SLC5A11: variants seen among roughly 807,000 people sequenced by gnomAD.
SLC5A11 encodes solute carrier family 5 member 11.
Under a neutral mutation model 69.8 loss-of-function variants are expected in SLC5A11, and 48 were observed. That is an observed-to-expected ratio of 0.69 (90% CI 0.55 to 0.87). The LOEUF (loss-of-function observed/expected upper bound fraction) is 0.87, where lower values mean the gene tolerates loss of function less well. SLC5A11 is among the 40% of genes least tolerant of loss of function. The pLI is 0.00. For synonymous variants in SLC5A11, 319 were observed against 342.4 expected (o/e 0.93, Z 0.75); for missense variants, 784 against 866.1 (o/e 0.91, Z 1.19).
intron 1 of SLC5A11, among the ~76,000 whole-genome samples, chr16:24,858,351 T>C (rs961976210): frequency 6.6e-6 from 1 of 152,202 alleles, no homozygotes; most frequent in African/African-American, 2.4e-5. Flanking sequence ...ATTGCAATTG[T>C]TTATGCTTCT....
chr16:24,858,879 T>C, intron 2 of SLC5A11, 101 bp downstream of exon 3: 1 of 1,404,804 alleles, frequency 7.1e-7, no homozygotes, highest in Non-Finnish European at 9.5e-7. Flanking sequence ...ATACTGACTG[T>C]GAGAGGAAGA....
rs765903433 is a variant in SLC5A11, at chr16:24,909,114, G to A, written c.1650+18G>A. 6.2e-6 allele frequency: 10 copies of A among 1,611,838 alleles called. No homozygotes were observed. The highest frequency in any genetic ancestry group is 8.5e-6 in the Non-Finnish European group (10 of 1,178,024). On this transcript the variant is annotated intron_variant, in intron 14 of 15. Transcript: ENST00000347898. ...AGGAGATGGTACATTTGGGCTGATG[G>A]CTAGATCCGTTGAGACTTTTTGTTG...
exon 3 of SLC5A11, chr16:24,862,613 A>G: frequency 6.2e-7 from 1 of 1,613,288 alleles, no homozygotes; most frequent in South Asian, 1.1e-5. Flanking sequence ...CACAGTGAAG[A>G]CCAAAAGAGA....
rs142427513 is a variant in SLC5A11 at position 24,903,353 on chromosome 16, G to T, written c.1007-3304G>T. Among the ~76,000 whole-genome samples the T allele has an allele frequency of 4.0e-3, 613 of 152,024 alleles. 3 individuals are homozygous for T. The highest frequency in any genetic ancestry group is 0.013 in the African/African-American group (532 of 41,460). ...AATATTTATCATTTCTTTGTGTTGG[G>T]GGCAATCAAAATCCACTCTCGACTA... On this transcript the variant is annotated intron_variant, in intron 10 of 15. Coordinates refer to ENST00000347898, the Ensembl canonical transcript of SLC5A11.
chr16:24,891,219 C>T (rs2152372125), intron 9 of SLC5A11, 145 bp downstream of exon 10: 1 of 709,738 alleles, frequency 1.4e-6, no homozygotes, highest in Non-Finnish European at 2.3e-6. Context: ...TTCCATTGCT[C>T]TACATGCTAT....
chr16:24,906,926 C>T, intron 11 of SLC5A11, 99 bp from the exon 13 acceptor site: 2 of 1,517,686 alleles, frequency 1.3e-6, no homozygotes, highest in East Asian at 4.5e-5. Flanking sequence ...CTCTGCCCCG[C>T]CGTCCTCCCT....
chr16:24,877,670 C>G (rs901422235), intron 7 of SLC5A11, among the ~76,000 whole-genome samples: 1 of 152,068 alleles, frequency 6.6e-6, no homozygotes, highest in Non-Finnish European at 1.5e-5. Flanking sequence ...GCCAACATGG[C>G]AAAATCCCAT....
At chr16:24,874,999 T>TA (rs199944895) in intron 5 of SLC5A11, among the ~76,000 whole-genome samples, 3 of 151,192 alleles carry the variant, frequency 2.0e-5, no homozygotes, top group East Asian at 3.9e-4. Context: ...TATATGTCTT[T>TA]AAAAAAAAAT....
intron 6 of SLC5A11, among the ~76,000 whole-genome samples, chr16:24,876,319 C>A (rs532399674): frequency 1.4e-4 from 21 of 152,224 alleles, no homozygotes; most frequent in African/African-American, 4.6e-4. Context: ...GTGGGTTGAT[C>A]AATGGGACTC....
intron 3 of SLC5A11, among the ~76,000 whole-genome samples, chr16:24,867,395 C>T (rs1484930217): frequency 6.6e-6 from 1 of 152,082 alleles, no homozygotes; most frequent in Non-Finnish European, 1.5e-5. Context: ...ACTTACACCA[C>T]AATGCCCATA....
intron 10 of SLC5A11, among the ~76,000 whole-genome samples, chr16:24,900,748 A>G (rs1430313847): frequency 1.3e-5 from 2 of 151,912 alleles, no homozygotes. Context: ...CCCGCTCTCT[A>G]CCAAAAACAA....
intron 9 of SLC5A11, among the ~76,000 whole-genome samples, chr16:24,892,302 G>A (rs1235690116): frequency 6.6e-6 from 1 of 152,010 alleles, no homozygotes; most frequent in Admixed American, 6.6e-5. Context: ...CTTTGTAGAA[G>A]AGCGAGAGCT....
At chr16:24,876,423 C>T (rs559465082) in intron 6 of SLC5A11, among the ~76,000 whole-genome samples, 17 of 152,226 alleles carry the variant, frequency 1.1e-4, no homozygotes, top group Middle Eastern at 6.8e-3. Flanking sequence ...TGGCTGATTG[C>T]GCTGCCCCAC....
intron 10 of SLC5A11, among the ~76,000 whole-genome samples, chr16:24,903,386 A>C (rs1267640337): frequency 6.6e-6 from 1 of 152,156 alleles, no homozygotes; most frequent in Non-Finnish European, 1.5e-5. Flanking sequence ...CTATTTGAAA[A>C]TGTACAATAA....
At chr16:24,852,679 G>A (rs2059361713) in intron 1 of SLC5A11, among the ~76,000 whole-genome samples, 2 of 152,170 alleles carry the variant, frequency 1.3e-5, no homozygotes, top group Non-Finnish European at 2.9e-5. Flanking sequence ...GTACACACAG[G>A]GTGCAGGGGA....
rs769433726 is a variant in SLC5A11, at chr16:24,878,078, C to T, written c.583+715C>T. Among the ~76,000 whole-genome samples, 7 of 152,190 alleles carry T rather than the reference C, an allele frequency of 4.6e-5. No individual in the cohort carries two copies. The South Asian group carries it at 1.0e-3, about 23-fold the overall frequency. ...TGAGGCAGGAGAATCGCTTGAACCC[C>T]GGTGGGGCGGACGTTGCAGTGAGCC... On this transcript the variant is annotated intron_variant, in intron 7 of 15. Coordinates refer to ENST00000347898, the Ensembl canonical transcript of SLC5A11.
At chr16:24,849,593 A>AAAAAAATATAT in intron 1 of SLC5A11, among the ~76,000 whole-genome samples, 1 of 35,922 alleles carries the variant, frequency 2.8e-5, no homozygotes, top group African/African-American at 9.2e-5. Flanking sequence ...AAAAAAAAAA[A>AAAAAAATATAT]ATATATATAT....
chr16:24,889,835 A>C (rs1166495251), intron 8 of SLC5A11, among the ~76,000 whole-genome samples: 1 of 152,136 alleles, frequency 6.6e-6, no homozygotes, highest in African/African-American at 2.4e-5. Context: ...GGTGTGAGCC[A>C]CTGTGCCTGG....
At chr16:24,898,359 G>A (rs921722909) in intron 10 of SLC5A11, among the ~76,000 whole-genome samples, 1 of 150,320 alleles carries the variant, frequency 6.7e-6, no homozygotes, top group African/African-American at 2.5e-5. Context: ...CTACAGGTAT[G>A]CACCATGATG....
Sources: allele counts gnomAD v4.1 joint callset (sites outside exome capture counted in the v4.1 genomes callset), GRCh38; gene constraint gnomAD v4.1.1; transcripts MANE v1.5; gene names NCBI Gene and HGNC (gene_info 2026-07-23, HGNC 2026-07-21).